The following FGF13 variants were observed in gnomAD, a reference collection of about 807,000 sequenced individuals.
The protein encoded by FGF13 is fibroblast growth factor homologous factor 2.
FGF13 carries 2 observed loss-of-function variants against 19.5 expected under a neutral mutation model. The ratio of observed to expected loss-of-function variants is 0.10; its 90% CI spans 0.04 to 0.32. The LOEUF (loss-of-function observed/expected upper bound fraction) is 0.32. Ranked by LOEUF, FGF13 falls within the 10% of genes least tolerant of loss-of-function variation. The pLI, the probability that FGF13 is intolerant of heterozygous loss-of-function variation, is 1.00. For synonymous variants in FGF13, 72 were observed against 76.9 expected, an observed-to-expected ratio of 0.94 and a Z score of 0.33; for missense variants, 113 against 192.7, an observed-to-expected ratio of 0.59 and a Z score of 2.45.
chrX:138,975,817 T>C (rs1020508572), intron 1 of FGF13, among the ~76,000 whole-genome samples: 1 of 110,996 alleles, frequency 9.0e-6, no homozygotes, highest in Non-Finnish European at 1.9e-5. Context: ...CTTTGATGAA[T>C]ATGGAAGGTT....
intron 3 of FGF13, among the ~76,000 whole-genome samples, chrX:138,663,053 G>A (rs1166554922): frequency 9.0e-6 from 1 of 111,128 alleles, no homozygotes; most frequent in East Asian, 2.8e-4. Context: ...CTGGACTAAT[G>A]GAAAGAAAGA....
intron 3 of FGF13, among the ~76,000 whole-genome samples, chrX:138,796,534 G>T (rs58933634): frequency 1.8e-5 from 2 of 111,648 alleles, no homozygotes; most frequent in Non-Finnish European, 3.8e-5. Flanking sequence ...ATAAACATAC[G>T]TGTGCATGTG....
chrX:138,836,496 C>T (rs141283416), intron 3 of FGF13, among the ~76,000 whole-genome samples: 178 of 112,022 alleles, frequency 1.6e-3, no homozygotes, highest in African/African-American at 5.5e-3. Flanking sequence ...ATAGCTGTGA[C>T]TGCATTATGA....
chrX:139,160,607 A>T (rs2084022535), intron 1 of FGF13, among the ~76,000 whole-genome samples: 1 of 112,161 alleles, frequency 8.9e-6, no homozygotes, highest in Admixed American at 9.5e-5. Flanking sequence ...AGACTGACGA[A>T]TAAAGAAGAA....
At chrX:139,137,588 C>T (rs1391032869) in intron 1 of FGF13, among the ~76,000 whole-genome samples, 2 of 111,997 alleles carry the variant, frequency 1.8e-5, no homozygotes, top group African/African-American at 6.5e-5. Flanking sequence ...CACTTGGGAT[C>T]CAGCCTAGTG....
intron 1 of FGF13, among the ~76,000 whole-genome samples, chrX:139,047,615 T>C (rs997213706): frequency 7.2e-5 from 8 of 111,777 alleles, no homozygotes; most frequent in Non-Finnish European, 1.5e-4. Context: ...TTGGAAGAGT[T>C]AGTCAAACTC....
chrX:138,854,970 A>C (rs1200524336), downstream of FGF13, among the ~76,000 whole-genome samples: 1 of 111,242 alleles, frequency 9.0e-6, no homozygotes, highest in African/African-American at 3.3e-5. Flanking sequence ...TTCAAGGTAT[A>C]GACATAGTTT....
At chrX:139,117,014 T>C (rs781741761) in intron 1 of FGF13, among the ~76,000 whole-genome samples, 1 of 111,322 alleles carries the variant, frequency 9.0e-6, no homozygotes, top group African/African-American at 3.3e-5. Flanking sequence ...AAGGGAAGCA[T>C]ATAACAGTAT....
chrX:138,784,038 C>G (rs1224266400), intron 3 of FGF13, among the ~76,000 whole-genome samples: 24 of 98,681 alleles, frequency 2.4e-4, no homozygotes, highest in African/African-American at 8.4e-4. Flanking sequence ...AATTGGAAAT[C>G]ATCATTCTCA....
chrX:139,066,821 C>T (rs1459346150), intron 1 of FGF13, among the ~76,000 whole-genome samples: 1 of 98,958 alleles, frequency 1.0e-5, no homozygotes, highest in African/African-American at 3.7e-5. Flanking sequence ...GAGACACAAC[C>T]AAAAAAAAAA....
At chrX:138,677,496 A>G (rs1370087894) in intron 3 of FGF13, among the ~76,000 whole-genome samples, 1 of 111,522 alleles carries the variant, frequency 9.0e-6, no homozygotes, top group Admixed American at 9.6e-5. Context: ...AAAACAAACA[A>G]CCCCATCAAA....
At position 138,703,231 on chromosome X, in the gene FGF13, A is replaced by G. The variant is rs1296894282; in HGVS notation, c.299-144T>C. The G allele has an allele frequency of 8.6e-6, 4 of 467,664 alleles. No homozygotes were observed. The Admixed American group carries it at 9.0e-5, about 10-fold the overall frequency. The allele number at this position is 467,664 out of a possible 1,213,427, so 38.5% of individuals were successfully genotyped here. On this transcript the variant is annotated intron_variant, in intron 2 of 4. Coordinates refer to ENST00000315930, the MANE Select transcript of FGF13 (RefSeq NM_004114.5). ...TATATGTCTGTTTATGTAGACATGCATACACATACAGACCCCCACAAACAC... is the reference window on the plus strand; with the variant it reads ...TATATGTCTGTTTATGTAGACATGCGTACACATACAGACCCCCACAAACAC...
chrX:138,903,975 TTGAC>T (rs2091544875), intron 1 of FGF13, among the ~76,000 whole-genome samples: 1 of 111,164 alleles, frequency 9.0e-6, no homozygotes, highest in Non-Finnish European at 1.9e-5. Flanking sequence ...GCAGTTATGA[TTGAC>T]TATGTATAAA....
chrX:138,739,646 G>T (rs1053999466), upstream of FGF13, among the ~76,000 whole-genome samples: 4 of 112,000 alleles, frequency 3.6e-5, no homozygotes, highest in Admixed American at 9.5e-5. Flanking sequence ...GCACATTAGA[G>T]AAGTTTTTGG....
intron 1 of FGF13, among the ~76,000 whole-genome samples, chrX:138,958,455 G>A (rs1405045973): frequency 3.6e-5 from 4 of 111,623 alleles, no homozygotes; most frequent in East Asian, 2.8e-4. Context: ...TTTTTGCATC[G>A]ATGTTCATCA....
At chrX:138,972,066 G>GTGTGTGTGTA (rs2091919492) in intron 1 of FGF13, among the ~76,000 whole-genome samples, 1 of 109,019 alleles carries the variant, frequency 9.2e-6, no homozygotes, top group African/African-American at 3.3e-5. Flanking sequence ...TTGTGTGTGT[G>GTGTGTGTGTA]TGTGTGTGTG....
intron 1 of FGF13, among the ~76,000 whole-genome samples, chrX:138,962,512 T>A (rs1245387490): frequency 8.9e-6 from 1 of 112,336 alleles, no homozygotes; most frequent in Non-Finnish European, 1.9e-5. Context: ...TCCAAAGGAT[T>A]ATAAATCATG....
intron 1 of FGF13, among the ~76,000 whole-genome samples, chrX:138,875,796 T>A (rs1486920948): frequency 9.0e-6 from 1 of 111,244 alleles, no homozygotes; most frequent in East Asian, 2.8e-4. Context: ...CACTGGCACT[T>A]CCTGTGTCTC....
intron 1 of FGF13, among the ~76,000 whole-genome samples, chrX:139,118,881 C>A (rs1404579481): frequency 9.0e-6 from 1 of 110,953 alleles, no homozygotes; most frequent in East Asian, 2.8e-4. Context: ...AAAAAAATAG[C>A]TAGGTGTGCT....
Sources: allele counts gnomAD v4.1 joint callset (sites outside exome capture counted in the v4.1 genomes callset), GRCh38; gene constraint gnomAD v4.1.1; transcripts MANE v1.5; gene names NCBI Gene and HGNC (gene_info 2026-07-23, HGNC 2026-07-21).